CPNE8: variants seen among roughly 807,000 people sequenced by gnomAD.
CPNE8 encodes the protein copine 8, also known as copine-8.
CPNE8 carries 45 observed loss-of-function variants against 81.5 expected under a neutral mutation model. The ratio of observed to expected loss-of-function variants is 0.55; its 90% CI spans 0.44 to 0.71. The LOEUF (loss-of-function observed/expected upper bound fraction) is 0.71, where lower values mean the gene tolerates loss of function less well. Ranked by LOEUF, CPNE8 falls within the 30% of genes least tolerant of loss-of-function variation. The probability of loss-of-function intolerance (pLI) is 0.00; values close to 1 mark genes in which losing one functional copy is unlikely to be tolerated. For missense variants in CPNE8, 594 were observed against 672.1 expected, an observed-to-expected ratio of 0.88 and a Z score of 1.28; for synonymous variants, 252 against 226.3, an observed-to-expected ratio of 1.11 and a Z score of -1.02.
chr12:38,691,073 G>C (rs144620953), intron 15 of CPNE8, among the ~76,000 whole-genome samples: 1,624 of 152,212 alleles, frequency 0.011, 32 homozygotes, highest in African/African-American at 0.036. Context: ...TAAAACATTT[G>C]AGAAAGATGA....
chr12:38,723,263 T>G (rs1940610413), intron 13 of CPNE8, among the ~76,000 whole-genome samples: 4 of 152,286 alleles, frequency 2.6e-5, no homozygotes, highest in Middle Eastern at 3.4e-3. Context: ...CTGTCTGGGT[T>G]TTGAAAAATT....
chr12:38,884,648 C>A (rs980456113), intron 1 of CPNE8, among the ~76,000 whole-genome samples: 13 of 152,100 alleles, frequency 8.5e-5, no homozygotes, highest in African/African-American at 2.4e-4. Context: ...ACATTCCTAC[C>A]AGCAATATAT....
At chr12:38,743,741 C>T (rs1355764839) in intron 10 of CPNE8, among the ~76,000 whole-genome samples, 2 of 151,886 alleles carry the variant, frequency 1.3e-5, no homozygotes, top group Admixed American at 1.3e-4. Flanking sequence ...AGCAGAAAAT[C>T]GAACTTCAGG....
At chr12:38,772,620 T>G (rs889812819) in intron 7 of CPNE8, among the ~76,000 whole-genome samples, 6 of 152,096 alleles carry the variant, frequency 3.9e-5, no homozygotes, top group Non-Finnish European at 7.4e-5. Context: ...AAGGAAGCAG[T>G]GTCAGTGAGG....
At chr12:38,666,747 G>A (rs1939064787) in intron 19 of CPNE8, among the ~76,000 whole-genome samples, 3 of 152,158 alleles carry the variant, frequency 2.0e-5, no homozygotes, top group African/African-American at 7.2e-5. Flanking sequence ...TAAATGCCAT[G>A]TTTAGGTGTT....
chr12:38,654,100 A>C (rs755543045), intron 19 of CPNE8, 30 bp from the exon 20 acceptor site: 6 of 1,572,252 alleles, frequency 3.8e-6, no homozygotes, highest in Non-Finnish European at 4.3e-6. Flanking sequence ...AAGTTATTTC[A>C]CAGACTTTAG....
chr12:38,681,714 C>G (rs1445796830), intron 16 of CPNE8, among the ~76,000 whole-genome samples: 1 of 152,192 alleles, frequency 6.6e-6, no homozygotes, highest in Non-Finnish European at 1.5e-5. Flanking sequence ...ACCTGAGTTT[C>G]CAATCTACCA....
intron 1 of CPNE8, among the ~76,000 whole-genome samples, chr12:38,903,475 C>A (rs1944518477): frequency 6.6e-6 from 1 of 152,204 alleles, no homozygotes; most frequent in Non-Finnish European, 1.5e-5. Flanking sequence ...GTATGCCCAG[C>A]ACACTCACAG....
chr12:38,852,785 A>G (rs1415729897), intron 3 of CPNE8, among the ~76,000 whole-genome samples: 1 of 152,158 alleles, frequency 6.6e-6, no homozygotes, highest in Admixed American at 6.5e-5. Context: ...AATATATAGT[A>G]TAATACCAAT....
chr12:38,703,311 C>T (rs1384306858), intron 13 of CPNE8, among the ~76,000 whole-genome samples: 1 of 152,058 alleles, frequency 6.6e-6, no homozygotes, highest in African/African-American at 2.4e-5. Flanking sequence ...TTAGCATGTC[C>T]TTTAAAGTGT....
intron 5 of CPNE8, among the ~76,000 whole-genome samples, chr12:38,833,725 G>A (rs955793181): frequency 3.3e-5 from 5 of 151,996 alleles, no homozygotes; most frequent in Admixed American, 1.3e-4. Context: ...TGATCTGCCC[G>A]CCTTGTCCTC....
intron 11 of CPNE8, among the ~76,000 whole-genome samples, chr12:38,729,492 T>A (rs1338067395): frequency 6.6e-6 from 1 of 151,942 alleles, no homozygotes; most frequent in Non-Finnish European, 1.5e-5. Context: ...ACATAGAACA[T>A]AAAATATAGA....
intron 10 of CPNE8, among the ~76,000 whole-genome samples, chr12:38,751,264 C>T (rs1941348119): frequency 6.6e-6 from 1 of 152,196 alleles, no homozygotes. Flanking sequence ...TCAGGTATGT[C>T]TTTGTCAGCA....
intron 7 of CPNE8, among the ~76,000 whole-genome samples, chr12:38,774,379 A>T (rs144497585): frequency 1.7e-3 from 261 of 152,310 alleles, no homozygotes; most frequent in African/African-American, 6.0e-3. Context: ...CATACAAAAC[A>T]TATATTATTT....
chr12:38,795,090 C>T (rs1043872844), intron 6 of CPNE8, among the ~76,000 whole-genome samples: 3 of 152,146 alleles, frequency 2.0e-5, no homozygotes, highest in Non-Finnish European at 2.9e-5. Flanking sequence ...GCTCTTGGGC[C>T]TTCAGCCACA....
chr12:38,784,867 T>C (rs555454582), intron 6 of CPNE8, among the ~76,000 whole-genome samples: 1 of 152,292 alleles, frequency 6.6e-6, no homozygotes, highest in African/African-American at 2.4e-5. Context: ...ACCTCTCCTA[T>C]GAGAAATGCT....
chr12:38,689,815 G>C (rs1305316166), intron 15 of CPNE8, among the ~76,000 whole-genome samples: 1 of 152,166 alleles, frequency 6.6e-6, no homozygotes, highest in Non-Finnish European at 1.5e-5. Context: ...ACCTCTACCA[G>C]AGCTCCGCAC....
At chr12:38,767,953 C>G (rs997982712) in intron 7 of CPNE8, among the ~76,000 whole-genome samples, 1 of 152,054 alleles carries the variant, frequency 6.6e-6, no homozygotes. Flanking sequence ...AAAACTATTA[C>G]TTTTCAAAAA....
chr12:38,790,242 G>A lies in CPNE8; in HGVS notation c.408-13941C>T, dbSNP rs571557518. ...CAGAAAATGTGATACTGATCATAAT[G>A]GAGTACTATTCAGCCATAAAGAAAA... On this transcript the variant is annotated intron_variant, in intron 6 of 19. Coordinates refer to ENST00000331366, the MANE Select transcript of CPNE8 (RefSeq NM_153634.3). Among the ~76,000 whole-genome samples, 55 of 151,854 alleles carry A rather than the reference G, an allele frequency of 3.6e-4. No individual in the cohort carries two copies. The South Asian group carries it at 7.7e-3, about 21-fold the overall frequency.
Sources: gnomAD v4.1 joint callset for allele counts (sites outside exome capture counted in the v4.1 genomes callset) on GRCh38, gnomAD v4.1.1 for gene constraint, MANE v1.5 for transcripts, NCBI Gene and HGNC (gene_info 2026-07-23, HGNC 2026-07-21) for gene names.